Variants in GSE1 observed in about 807,000 individuals in gnomAD.
GSE1 encodes Gse1 coiled-coil protein.
GSE1 carries 32 observed loss-of-function variants against 112.6 expected under a neutral mutation model. The ratio of observed to expected loss-of-function variants is 0.28; its 90% CI spans 0.21 to 0.38. The LOEUF (loss-of-function observed/expected upper bound fraction) is 0.38. Ranked by LOEUF, GSE1 falls within the 10% of genes least tolerant of loss-of-function variation. The probability of loss-of-function intolerance (pLI) is 1.00; values close to 1 mark genes in which losing one functional copy is unlikely to be tolerated. For synonymous variants in GSE1, 1,115 were observed against 735.6 expected (o/e 1.52, Z -8.35); for missense variants, 2,348 against 1,699.2 (o/e 1.38, Z -6.71).
intron 1 of GSE1, among the ~76,000 whole-genome samples, chr16:85,187,665 C>G (rs1438604609): frequency 6.6e-6 from 1 of 152,104 alleles, no homozygotes; most frequent in Non-Finnish European, 1.5e-5. Flanking sequence ...AGGCCTCGCC[C>G]CCACCTGCTC....
intron 1 of GSE1, among the ~76,000 whole-genome samples, chr16:85,581,063 T>C (rs1013579635): frequency 1.3e-5 from 2 of 152,194 alleles, no homozygotes; most frequent in African/African-American, 2.4e-5. Flanking sequence ...AGAGGGACAC[T>C]GGTGGTTGGC....
upstream of GSE1, among the ~76,000 whole-genome samples, chr16:85,552,611 C>G (rs151057394): frequency 1.3e-5 from 2 of 152,202 alleles, no homozygotes; most frequent in African/African-American, 4.8e-5. Context: ...GGATTACAGG[C>G]GTGAGCCACC....
intron 1 of GSE1, among the ~76,000 whole-genome samples, chr16:85,286,213 A>C (rs2045020171): frequency 6.6e-6 from 1 of 152,258 alleles, no homozygotes; most frequent in Non-Finnish European, 1.5e-5. Flanking sequence ...CGGGAGGAGG[A>C]CACAGTGGCC....
chr16:85,365,292 A>G (rs1227405452), intron 2 of GSE1, among the ~76,000 whole-genome samples: 1 of 152,186 alleles, frequency 6.6e-6, no homozygotes, highest in African/African-American at 2.4e-5. Context: ...CCTGCCTGAG[A>G]CAGCACACGC....
chr16:85,586,737 G>C (rs796411584), intron 1 of GSE1, among the ~76,000 whole-genome samples: 1 of 152,114 alleles, frequency 6.6e-6, no homozygotes, highest in East Asian at 1.9e-4. Context: ...CCACAGCCCC[G>C]GCATGGAGGG....
At chr16:85,411,000 T>C (rs74568504) in intron 2 of GSE1, among the ~76,000 whole-genome samples, 1,600 of 37,674 alleles carry the variant, frequency 0.042, 1 homozygote, top group Middle Eastern at 0.091. Context: ...TAATCCTCAC[T>C]GTTACACTCA....
chr16:85,654,263 G>T lies in GSE1; in HGVS notation c.427-15G>T, dbSNP rs546413516. 6 of 1,578,276 alleles carry T rather than the reference G, an allele frequency of 3.8e-6. No individual in the cohort carries two copies. The Admixed American group carries it at 7.2e-5, about 19-fold the overall frequency. On this transcript the variant is annotated splice_polypyrimidine_tract_variant and intron_variant, in intron 3 of 15. Transcript: ENST00000253458. The stretch of plus-strand genomic sequence containing the variant: ...TACCAGGCTCCTGCCCTGACTGGAC[G>T]CTCTCCTCCCGCAGGATGCCGGCTC...
intron 2 of GSE1, among the ~76,000 whole-genome samples, chr16:85,395,582 G>A (rs931528389): frequency 1.3e-5 from 2 of 152,164 alleles, no homozygotes; most frequent in Non-Finnish European, 2.9e-5. Flanking sequence ...TCTGGCTTTG[G>A]CTGGGCACCA....
chr16:85,672,361 C>G, intron 15 of GSE1, 44 bp from the exon 16 acceptor site: 2 of 1,513,102 alleles, frequency 1.3e-6, no homozygotes, highest in Non-Finnish European at 1.8e-6. Flanking sequence ...CTTGTCCTTA[C>G]AGAGGAAACG....
At chr16:85,663,274 G>T in intron 10 of GSE1, 70 bp from the exon 11 acceptor site, 3 of 1,542,334 alleles carry the variant, frequency 1.9e-6, no homozygotes, top group Non-Finnish European at 2.7e-6. Flanking sequence ...CCCCAGGAGG[G>T]GACCCCGGGA....
chr16:85,280,503 C>T (rs1474834567), intron 1 of GSE1, among the ~76,000 whole-genome samples: 1 of 152,224 alleles, frequency 6.6e-6, no homozygotes, highest in Non-Finnish European at 1.5e-5. Context: ...TTAAGCGATT[C>T]TCCTGCCTCA....
intron 2 of GSE1, among the ~76,000 whole-genome samples, chr16:85,395,726 C>G (rs1364020891): frequency 2.6e-5 from 4 of 152,240 alleles, no homozygotes; most frequent in Non-Finnish European, 5.9e-5. Context: ...TGCCCACGCT[C>G]TCTAGGGGCC....
intron 2 of GSE1, among the ~76,000 whole-genome samples, chr16:85,513,676 G>C (rs2051822530): frequency 6.6e-6 from 1 of 152,104 alleles, no homozygotes; most frequent in East Asian, 1.9e-4. Flanking sequence ...AATCCCGCCT[G>C]AATCTCCACA....
At chr16:85,344,747 T>G (rs2046698066) in intron 1 of GSE1, among the ~76,000 whole-genome samples, 1 of 152,184 alleles carries the variant, frequency 6.6e-6, no homozygotes, top group African/African-American at 2.4e-5. Context: ...GGTGCTGGAC[T>G]TTGAAGCAGG....
chr16:85,555,174 A>C (rs1437061793), upstream of GSE1: 1 of 985,282 alleles, frequency 1.0e-6, no homozygotes, highest in African/African-American at 1.7e-5. Context: ...TAGGGGAGAC[A>C]AATCTGCTGT....
intron 2 of GSE1, among the ~76,000 whole-genome samples, chr16:85,508,133 A>T (rs1054947193): frequency 6.6e-6 from 1 of 152,296 alleles, no homozygotes; most frequent in East Asian, 1.9e-4. Flanking sequence ...CCTCGGGTTC[A>T]AGTGATTCTC....
At chr16:85,457,732 C>T (rs1440943234) in intron 2 of GSE1, among the ~76,000 whole-genome samples, 3 of 152,222 alleles carry the variant, frequency 2.0e-5, no homozygotes, top group Non-Finnish European at 2.9e-5. Context: ...AGCTTCAGCC[C>T]GGCTGGGCAG....
chr16:85,467,246 C>T (rs2050150306), intron 2 of GSE1, among the ~76,000 whole-genome samples: 1 of 152,228 alleles, frequency 6.6e-6, no homozygotes, highest in East Asian at 1.9e-4. Flanking sequence ...TCGCATCCTG[C>T]TGCTGCCTCT....
intron 1 of GSE1, among the ~76,000 whole-genome samples, chr16:85,218,524 G>T (rs529800889): frequency 2.0e-5 from 3 of 152,240 alleles, no homozygotes; most frequent in Non-Finnish European, 4.4e-5. Context: ...GTGGTAAAAC[G>T]CGGCCTTTGG....
Sources: allele counts gnomAD v4.1 joint callset (sites outside exome capture counted in the v4.1 genomes callset), GRCh38; gene constraint gnomAD v4.1.1; transcripts MANE v1.5; gene names NCBI Gene and HGNC (gene_info 2026-07-23, HGNC 2026-07-21).